Variants in NBEA observed in about 807,000 individuals in gnomAD.
NBEA encodes lysosomal-trafficking regulator 2.
In NBEA, 44 loss-of-function variants were observed where a neutral mutation model predicts 343.4. The ratio of observed to expected loss-of-function variants is 0.13; its 90% CI spans 0.10 to 0.16. The LOEUF is 0.16. Ranked by LOEUF, NBEA falls within the 10% of genes least tolerant of loss-of-function variation. The probability of loss-of-function intolerance (pLI) is 1.00; values close to 1 mark genes in which losing one functional copy is unlikely to be tolerated. For missense variants in NBEA, 2,555 were observed against 3,631.3 expected, an observed-to-expected ratio of 0.70 and a Z score of 7.62; for synonymous variants, 1,175 against 1,238.7, an observed-to-expected ratio of 0.95 and a Z score of 1.08.
chr13:35,480,058 G>GAAAAAAAAA (rs35107997), intron 41 of NBEA, among the ~76,000 whole-genome samples: 2 of 136,366 alleles, frequency 1.5e-5, no homozygotes, highest in African/African-American at 2.7e-5. Flanking sequence ...TACCAGTTAG[G>GAAAAAAAAA]AAAAAAAAAA....
intron 36 of NBEA, among the ~76,000 whole-genome samples, chr13:35,316,840 T>G (rs1202438312): frequency 6.6e-6 from 1 of 152,214 alleles, no homozygotes; most frequent in Admixed American, 6.5e-5. Flanking sequence ...GATTTTGATT[T>G]GCATTTCTCT....
chr13:34,948,580 C>T (rs959065207), intron 1 of NBEA, among the ~76,000 whole-genome samples: 3 of 152,030 alleles, frequency 2.0e-5, no homozygotes, highest in African/African-American at 7.2e-5. Context: ...TTTTTTGTCA[C>T]TTGTAAATAG....
intron 41 of NBEA, among the ~76,000 whole-genome samples, chr13:35,529,410 A>G (rs1017815847): frequency 6.6e-6 from 1 of 152,224 alleles, no homozygotes; most frequent in Non-Finnish European, 1.5e-5. Flanking sequence ...ACTTATACAC[A>G]TGGAGCATTG....
At chr13:35,098,275 G>A in intron 10 of NBEA, 22 bp from the exon 11 acceptor site, 1 of 1,466,148 alleles carries the variant, frequency 6.8e-7, no homozygotes, top group South Asian at 1.2e-5. Context: ...ATTACATAAT[G>A]ATGTCTGTAC....
intron 40 of NBEA, among the ~76,000 whole-genome samples, chr13:35,462,351 T>C (rs747965938): frequency 6.6e-6 from 1 of 152,222 alleles, no homozygotes; most frequent in Non-Finnish European, 1.5e-5. Context: ...AAGCCTTTAT[T>C]AGAATGGGTA....
At chr13:35,658,240 T>C (rs539680604) in intron 55 of NBEA, among the ~76,000 whole-genome samples, 1 of 152,304 alleles carries the variant, frequency 6.6e-6, no homozygotes, top group Non-Finnish European at 1.5e-5. Flanking sequence ...TATCAATATG[T>C]ATTTTTCAGT....
intron 1 of NBEA, among the ~76,000 whole-genome samples, chr13:34,969,419 A>T (rs2059928817): frequency 6.6e-6 from 1 of 151,552 alleles, no homozygotes; most frequent in Non-Finnish European, 1.5e-5. Flanking sequence ...TCAGGGGTAC[A>T]TGTACAGGTA....
At chr13:35,074,676 T>C (rs1180193696) in intron 10 of NBEA, among the ~76,000 whole-genome samples, 2 of 152,174 alleles carry the variant, frequency 1.3e-5, no homozygotes, top group African/African-American at 4.8e-5. Context: ...TGCTAGTCAC[T>C]TATTTTTAAA....
intron 34 of NBEA, among the ~76,000 whole-genome samples, chr13:35,238,882 C>T (rs543739887): frequency 3.9e-5 from 6 of 151,996 alleles, no homozygotes; most frequent in Non-Finnish European, 8.8e-5. Flanking sequence ...GAAATTTCTA[C>T]CTTCACCAAA....
Position 35,426,903 on chromosome 13 carries a change from G to A in NBEA, c.6180-5366G>A, listed in dbSNP as rs138226413. Among the ~76,000 whole-genome samples, 26 of 150,150 alleles carry A rather than the reference G, an allele frequency of 1.7e-4. No individual in the cohort carries two copies. The East Asian group carries it at 3.5e-3, about 20-fold the overall frequency. ...CATTTCATTCATTTTATCTTCCATC[G>A]CTTTCTTCCAGTTGATCGCATCGGC... On this transcript the variant is annotated intron_variant, in intron 38 of 58. Coordinates refer to ENST00000379939, the MANE Select transcript of NBEA (RefSeq NM_001385012.1).
intron 41 of NBEA, among the ~76,000 whole-genome samples, chr13:35,545,734 A>G (rs1301981782): frequency 1.3e-5 from 2 of 152,178 alleles, no homozygotes; most frequent in Admixed American, 6.5e-5. Flanking sequence ...TCTGGAGTCA[A>G]GGAATCCTTT....
At chr13:34,965,104 T>C (rs2059779232) in intron 1 of NBEA, among the ~76,000 whole-genome samples, 1 of 152,054 alleles carries the variant, frequency 6.6e-6, no homozygotes, top group South Asian at 2.1e-4. Context: ...GACAGAACTA[T>C]AAAGACCTTT....
intron 47 of NBEA, among the ~76,000 whole-genome samples, chr13:35,595,707 T>C (rs1323305886): frequency 6.6e-6 from 1 of 152,044 alleles, no homozygotes; most frequent in Non-Finnish European, 1.5e-5. Flanking sequence ...ATATACTTTT[T>C]TTATTTTTTA....
chr13:35,630,965 T>C (rs535021245), intron 49 of NBEA, among the ~76,000 whole-genome samples: 1 of 152,294 alleles, frequency 6.6e-6, no homozygotes, highest in South Asian at 2.1e-4. Flanking sequence ...CCCTCTAACA[T>C]ATTCCCATTG....
intron 8 of NBEA, among the ~76,000 whole-genome samples, chr13:35,067,640 T>C (rs2063704257): frequency 6.6e-6 from 1 of 152,166 alleles, no homozygotes; most frequent in Non-Finnish European, 1.5e-5. Context: ...TACAGATTTA[T>C]ATAATAATTC....
Position 35,392,700 on chromosome 13 carries a change from G to A in NBEA, c.6180-39569G>A, listed in dbSNP as rs190889010. 9.3e-4 allele frequency among the ~76,000 whole-genome samples: 141 copies of A among 152,206 alleles called. 2 individuals carry two copies. Among genetic ancestry groups the A allele is most frequent in the Admixed American group, 9.0e-3 (138 of 15,270 alleles). ...GGTTGTGCATAAGAACCGTGCTAAC[G>A]GTACAAATGGCAGATCAAAGCTGCC... On this transcript the variant is annotated intron_variant, in intron 38 of 58. Transcript: ENST00000379939.
chr13:35,524,958 T>C (rs1180706356), intron 41 of NBEA, among the ~76,000 whole-genome samples: 1 of 152,168 alleles, frequency 6.6e-6, no homozygotes, highest in Non-Finnish European at 1.5e-5. Context: ...CTGGTCCCCA[T>C]TGTGGATCCT....
intron 38 of NBEA, among the ~76,000 whole-genome samples, chr13:35,392,502 T>C (rs180772976): frequency 1.3e-5 from 2 of 151,872 alleles, no homozygotes; most frequent in East Asian, 1.9e-4. Flanking sequence ...TTTTTGCCTT[T>C]ATCCCACTTA....
intron 44 of NBEA, among the ~76,000 whole-genome samples, chr13:35,562,719 C>G (rs1258695108): frequency 2.0e-5 from 3 of 152,012 alleles, no homozygotes; most frequent in Non-Finnish European, 1.5e-5. Flanking sequence ...AAATTCTTTC[C>G]TAATGACCTA....
Sources: gnomAD v4.1 joint callset for allele counts (sites outside exome capture counted in the v4.1 genomes callset) on GRCh38, gnomAD v4.1.1 for gene constraint, MANE v1.5 for transcripts, NCBI Gene and HGNC (gene_info 2026-07-23, HGNC 2026-07-21) for gene names.